Variants in ZMYND12 observed in about 807,000 individuals in gnomAD.
The protein encoded by ZMYND12 is zinc finger MYND-type containing 12.
ZMYND12 carries 32 observed loss-of-function variants against 41.7 expected under a neutral mutation model. That is an observed-to-expected ratio of 0.77 (90% confidence interval 0.58 to 1.03). The LOEUF is 1.03. ZMYND12 is among the 50% of genes least tolerant of loss of function. The pLI is 0.00. For synonymous variants in ZMYND12, 148 were observed against 164.8 expected, an observed-to-expected ratio of 0.90 and a Z score of 0.78; for missense variants, 424 against 438.5, an observed-to-expected ratio of 0.97 and a Z score of 0.30.
At position 42,439,136 on chromosome 1, in the gene ZMYND12, G is replaced by A. The variant is rs150436233; in HGVS notation, c.594+720C>T. ...ATTTATTGTCCTATTATTAATCTTC[G>A]CAATGACCCAGTGAGACAGAGACTA... On this transcript the variant is annotated intron_variant, in intron 4 of 7. Transcript: ENST00000372565. 5.3e-5 allele frequency among the ~76,000 whole-genome samples: 8 copies of A among 152,032 alleles called. No homozygotes were observed. The South Asian group carries it at 8.3e-4, about 16-fold the overall frequency.
intron 3 of ZMYND12, among the ~76,000 whole-genome samples, chr1:42,445,912 C>A (rs1412435785): frequency 3.3e-5 from 5 of 152,154 alleles, no homozygotes; most frequent in Non-Finnish European, 7.3e-5. Flanking sequence ...TCCAGAATCC[C>A]ATAGCTAGCC....
At chr1:42,433,002 C>A (rs544026827) in intron 7 of ZMYND12, 141 bp downstream of exon 7, 3 of 1,030,526 alleles carry the variant, frequency 2.9e-6, no homozygotes, top group East Asian at 2.4e-5. Flanking sequence ...GGAGAAACAT[C>A]GTGAGCATCT....
At chr1:42,433,406 G>T in intron 6 of ZMYND12, 118 bp from the exon 7 acceptor site, 1 of 1,186,980 alleles carries the variant, frequency 8.4e-7, no homozygotes, top group Non-Finnish European at 1.1e-6. Context: ...GGCACTGGTG[G>T]AAATAGCACC....
intron 3 of ZMYND12, among the ~76,000 whole-genome samples, chr1:42,442,935 C>T (rs765752052): frequency 4.1e-4 from 63 of 152,174 alleles, no homozygotes; most frequent in Non-Finnish European, 1.9e-4. Context: ...CACATCTTCC[C>T]TCCAGGCTTT....
chr1:42,440,098 A>G, intron 3 of ZMYND12, 73 bp from the exon 4 acceptor site: 1 of 1,460,762 alleles, frequency 6.8e-7, no homozygotes, highest in Non-Finnish European at 9.1e-7. Flanking sequence ...ATGAGTCATT[A>G]CCCATTCACT....
chr1:42,449,167 G>A (rs569191572), intron 2 of ZMYND12, among the ~76,000 whole-genome samples: 3 of 152,186 alleles, frequency 2.0e-5, no homozygotes, highest in South Asian at 4.2e-4. Context: ...TTATAATAAG[G>A]GGCTAATTTT....
chr1:42,444,027 G>A (rs1484274100), intron 3 of ZMYND12, among the ~76,000 whole-genome samples: 2 of 152,048 alleles, frequency 1.3e-5, no homozygotes, highest in South Asian at 2.1e-4. Flanking sequence ...CACCATGACC[G>A]CCTAATTTTT....
chr1:42,432,062 T>TTTC (rs1387908077), intron 7 of ZMYND12, among the ~76,000 whole-genome samples: 3 of 146,658 alleles, frequency 2.0e-5, no homozygotes, highest in Admixed American at 2.0e-4. Flanking sequence ...TTCTTTTTCT[T>TTTC]TTTTTTTTTT....
rs112697653 is a variant in ZMYND12 at position 42,439,454 on chromosome 1, C to T, written c.594+402G>A. Among the ~76,000 whole-genome samples the T allele has an allele frequency of 6.3e-3, 956 of 152,194 alleles. 6 individuals carry two copies. The highest frequency in any genetic ancestry group is 0.021 in the African/African-American group (889 of 41,516). On this transcript the variant is annotated intron_variant, in intron 4 of 7. Transcript: ENST00000372565. The stretch of plus-strand genomic sequence containing the variant: ...CTAATTTTTTGTATTTTAGTAGGGA[C>T]GGGGTTTCACCATGTTGGCCAGGAC...
intron 6 of ZMYND12, among the ~76,000 whole-genome samples, chr1:42,434,571 T>A (rs1642886791): frequency 6.6e-6 from 1 of 152,062 alleles, no homozygotes; most frequent in Non-Finnish European, 1.5e-5. Context: ...CATTACCACC[T>A]GAGCTCCACC....
chr1:42,432,478 G>A (rs1265124245), intron 7 of ZMYND12, among the ~76,000 whole-genome samples: 1 of 152,116 alleles, frequency 6.6e-6, no homozygotes, highest in Non-Finnish European at 1.5e-5. Context: ...GATCACCACT[G>A]TATCCCCAGT....
rs189294698 is a variant in ZMYND12, at chr1:42,448,454, C to A, written c.424+13G>T. ...CTTAAGGGATCCAAGGATCTCAAGTCGGTTTCACTCACCAAGGCTGGCCTC... is the reference window on the plus strand; with the variant it reads ...CTTAAGGGATCCAAGGATCTCAAGTAGGTTTCACTCACCAAGGCTGGCCTC... On this transcript the variant is annotated intron_variant, in intron 3 of 7. Transcript: ENST00000372565. The A allele has an allele frequency of 1.9e-6, 3 of 1,570,224 alleles. No homozygotes were observed. Among genetic ancestry groups the A allele is most frequent in the East Asian group, 4.6e-5 (2 of 43,512 alleles).
intron 3 of ZMYND12, among the ~76,000 whole-genome samples, chr1:42,443,387 G>T (rs1314772807): frequency 6.6e-6 from 1 of 152,190 alleles, no homozygotes; most frequent in African/African-American, 2.4e-5. Flanking sequence ...ATCCCTTAGG[G>T]TGATTTTACT....
At chr1:42,439,828 T>A in intron 4 of ZMYND12, 28 bp downstream of exon 4, 1 of 1,576,094 alleles carries the variant, frequency 6.3e-7, no homozygotes, top group Non-Finnish European at 8.6e-7. Context: ...TTTGGAAATA[T>A]ACAGGTGTTA....
intron 4 of ZMYND12, among the ~76,000 whole-genome samples, chr1:42,437,838 C>T (rs546221319): frequency 2.0e-5 from 3 of 152,322 alleles, no homozygotes; most frequent in African/African-American, 7.2e-5. Flanking sequence ...CATGCCACCA[C>T]ACCCAGCTAA....
intron 3 of ZMYND12, 113 bp downstream of exon 3, chr1:42,448,354 C>A (rs1643045738): frequency 2.4e-6 from 3 of 1,264,936 alleles, no homozygotes; most frequent in Non-Finnish European, 3.1e-6. Context: ...AACCCTGCTC[C>A]TTCTACAATA....
intron 4 of ZMYND12, among the ~76,000 whole-genome samples, chr1:42,437,470 G>GTGTGTGTGTGTGTGTT (rs1251810714): frequency 6.6e-6 from 1 of 151,414 alleles, no homozygotes; most frequent in Non-Finnish European, 1.5e-5. Context: ...GTGTGTGTGT[G>GTGTGTGTGTGTGTGTT]TGTGTGTGTT....
chr1:42,430,497 C>A lies in ZMYND12; in HGVS notation c.*239G>T, dbSNP rs1642836061. The stretch of plus-strand genomic sequence containing the variant: ...TACATATTACTCAGTCATACAAAGT[C>A]ATGATAAATCAAGTACAAAGGTCAT... On this transcript the variant is annotated 3_prime_UTR_variant, in exon 8 of 8. Transcript: ENST00000372565. 1 of 450,470 alleles carries A rather than the reference C, an allele frequency of 2.2e-6. No homozygotes were observed. The highest frequency in any genetic ancestry group is 3.1e-5 in the East Asian group (1 of 32,340). The allele number at this position is 450,470 out of a possible 1,614,324, so 27.9% of individuals were successfully genotyped here.
At chr1:42,448,275 T>C (rs1449570102) in intron 3 of ZMYND12, among the ~76,000 whole-genome samples, 192 bp downstream of exon 3, 1 of 152,164 alleles carries the variant, frequency 6.6e-6, no homozygotes, top group African/African-American at 2.4e-5. Flanking sequence ...CCAGCTTGAG[T>C]GGATTTCTGC....
Sources: gnomAD v4.1 joint callset for allele counts (sites outside exome capture counted in the v4.1 genomes callset) on GRCh38, gnomAD v4.1.1 for gene constraint, MANE v1.5 for transcripts, NCBI Gene and HGNC (gene_info 2026-07-23, HGNC 2026-07-21) for gene names.